CEP170: variants seen among roughly 807,000 people sequenced by gnomAD.
CEP170 encodes centrosomal protein 170.
A neutral mutation model predicts 151.9 loss-of-function variants in CEP170; 21 were observed. That is an observed-to-expected ratio of 0.14 (90% CI 0.10 to 0.20). The LOEUF (loss-of-function observed/expected upper bound fraction) is 0.20, where lower values mean the gene tolerates loss of function less well. CEP170 is among the 10% of genes least tolerant of loss of function. The pLI is 1.00. For missense variants in CEP170, 964 were observed against 1,892.9 expected (o/e 0.51, Z 9.11); for synonymous variants, 356 against 648.8 (o/e 0.55, Z 6.86).
At chr1:243,231,515 G>C (rs1015203134) in intron 1 of CEP170, among the ~76,000 whole-genome samples, 2 of 152,070 alleles carry the variant, frequency 1.3e-5, no homozygotes, top group Admixed American at 6.5e-5. Context: ...TATGTTACTG[G>C]AAAGTATAAA....
At chr1:243,163,648 C>A (rs371625039) in intron 13 of CEP170, among the ~76,000 whole-genome samples, 2 of 151,066 alleles carry the variant, frequency 1.3e-5, no homozygotes, top group Non-Finnish European at 3.0e-5. Context: ...GGCCAATATA[C>A]GCTGAGTGAT....
chr1:243,225,151 A>G (rs1451860458), intron 2 of CEP170, 25 bp downstream of exon 2: 1 of 1,446,500 alleles, frequency 6.9e-7, no homozygotes, highest in East Asian at 2.4e-5. Context: ...GAATAAACAC[A>G]TATAGAGAAG....
At chr1:243,245,215 T>TA (rs558637908) in intron 1 of CEP170, among the ~76,000 whole-genome samples, 15 of 151,606 alleles carry the variant, frequency 9.9e-5, no homozygotes, top group Non-Finnish European at 1.5e-4. Context: ...AAGCACATTT[T>TA]AAAAAAATGT....
intron 10 of CEP170, among the ~76,000 whole-genome samples, chr1:243,182,542 G>A (rs1446521315): frequency 6.6e-6 from 1 of 152,068 alleles, no homozygotes; most frequent in Non-Finnish European, 1.5e-5. Context: ...TTCTGACAGT[G>A]ACTCGACCAT....
At chr1:243,207,055 A>C (rs1044345386) in intron 4 of CEP170, among the ~76,000 whole-genome samples, 7 of 152,220 alleles carry the variant, frequency 4.6e-5, no homozygotes, top group African/African-American at 1.7e-4. Context: ...AAATTTCAAG[A>C]TGATAGATTT....
At chr1:243,222,204 A>G (rs1028143015) in intron 2 of CEP170, among the ~76,000 whole-genome samples, 1 of 152,182 alleles carries the variant, frequency 6.6e-6, no homozygotes, top group Non-Finnish European at 1.5e-5. Context: ...TTCTTCTTTC[A>G]AAACAAAAAA....
At chr1:243,131,111 C>T (rs1489006124) in intron 17 of CEP170, among the ~76,000 whole-genome samples, 4 of 152,044 alleles carry the variant, frequency 2.6e-5, no homozygotes, top group Non-Finnish European at 5.9e-5. Context: ...AAACCATAGA[C>T]ATTTCACCTT....
intron 1 of CEP170, among the ~76,000 whole-genome samples, chr1:243,247,222 G>A (rs1018417418): frequency 2.6e-5 from 4 of 151,262 alleles, no homozygotes; most frequent in Non-Finnish European, 5.9e-5. Flanking sequence ...GGCTGGCCTA[G>A]GGAAAAAAAA....
At chr1:243,158,123 G>A (rs749162409) in intron 13 of CEP170, among the ~76,000 whole-genome samples, 4 of 152,148 alleles carry the variant, frequency 2.6e-5, no homozygotes, top group Non-Finnish European at 5.9e-5. Flanking sequence ...GTGATCCTGA[G>A]ACTTGAAACC....
intron 17 of CEP170, among the ~76,000 whole-genome samples, chr1:243,135,430 T>C (rs2054945415): frequency 6.6e-6 from 1 of 152,106 alleles, no homozygotes; most frequent in Non-Finnish European, 1.5e-5. Flanking sequence ...ATGATCTTGA[T>C]CTCCTGACCT....
At chr1:243,255,774 C>A (rs938560694), upstream of CEP170, among the ~76,000 whole-genome samples, 3 of 152,222 alleles carry the variant, frequency 2.0e-5, no homozygotes, top group African/African-American at 4.8e-5. Flanking sequence ...GTGGTCCAGG[C>A]AGCTGAAGAG....
intron 1 of CEP170, among the ~76,000 whole-genome samples, chr1:243,232,119 C>G (rs929351213): frequency 6.6e-6 from 1 of 152,062 alleles, no homozygotes; most frequent in Non-Finnish European, 1.5e-5. Context: ...GTGTGCAGCA[C>G]CACACCTGAC....
At chr1:243,233,452 G>C (rs900211024) in intron 1 of CEP170, among the ~76,000 whole-genome samples, 2 of 152,024 alleles carry the variant, frequency 1.3e-5, no homozygotes, top group Non-Finnish European at 2.9e-5. Context: ...AAATATTTCA[G>C]GCCAGGCGCG....
rs2061845463 is a variant in CEP170, at chr1:243,211,969, A to G, written c.196-5T>C. The G allele has an allele frequency of 4.0e-6, 6 of 1,501,252 alleles. No homozygotes were observed. The African/African-American group carries it at 7.1e-5, about 18-fold the overall frequency. The allele number at this position is 1,501,252 out of a possible 1,614,324, so 93.0% of individuals were successfully genotyped here. ...CCTTACATCATTCACAAAAGTCTACAAGGAAACAAAAAAAGATGTTAGGTT... is the reference window on the plus strand; with the variant it reads ...CCTTACATCATTCACAAAAGTCTACGAGGAAACAAAAAAAGATGTTAGGTT... On this transcript the variant is annotated splice_region_variant and splice_polypyrimidine_tract_variant and intron_variant, in intron 3 of 19. Coordinates refer to ENST00000366542, the MANE Select transcript of CEP170 (RefSeq NM_014812.3).
intron 13 of CEP170, among the ~76,000 whole-genome samples, chr1:243,162,887 T>C (rs2058173282): frequency 6.6e-6 from 1 of 152,204 alleles, no homozygotes; most frequent in South Asian, 2.1e-4. Context: ...ATGTAGTAGT[T>C]AGTTTTAAAA....
chr1:243,186,514 C>T, intron 8 of CEP170, 92 bp from the exon 9 acceptor site: 2 of 1,355,688 alleles, frequency 1.5e-6, no homozygotes, highest in South Asian at 3.0e-5. Context: ...GTTTTGCTCC[C>T]CTCCTCCTTT....
At chr1:243,210,432 A>C (rs1036900283) in intron 4 of CEP170, among the ~76,000 whole-genome samples, 4 of 151,970 alleles carry the variant, frequency 2.6e-5, no homozygotes, top group Admixed American at 6.6e-5. Flanking sequence ...GCTAATTCTT[A>C]ATTATTTTGC....
At chr1:243,215,607 T>C (rs1285926798) in intron 3 of CEP170, among the ~76,000 whole-genome samples, 1 of 152,192 alleles carries the variant, frequency 6.6e-6, no homozygotes, top group Non-Finnish European at 1.5e-5. Context: ...TTGTCTGCTC[T>C]CAAACCCTGT....
chr1:243,159,763 T>TTTTGTGTGTGTGTGTGTGTGTG (rs1553343086), intron 13 of CEP170, among the ~76,000 whole-genome samples: 6 of 127,076 alleles, frequency 4.7e-5, no homozygotes, highest in East Asian at 2.3e-4. Context: ...GTTTCCGGTT[T>TTTTGTGTGTGTGTGTGTGTGTG]TGTGTGTGTG....
Sources: allele counts gnomAD v4.1 joint callset (sites outside exome capture counted in the v4.1 genomes callset), GRCh38; gene constraint gnomAD v4.1.1; transcripts MANE v1.5; gene names NCBI Gene and HGNC (gene_info 2026-07-23, HGNC 2026-07-21).